KCNK17: variants seen among roughly 807,000 people sequenced by gnomAD.
KCNK17 encodes potassium two pore domain channel subfamily K member 17, also known as potassium channel subfamily K member 17.
In KCNK17, 27 loss-of-function variants were observed where a neutral mutation model predicts 24.6. The observed-to-expected ratio is 1.10, with a 90% confidence interval of 0.81 to 1.51. The LOEUF is 1.51. Ranked by LOEUF, KCNK17 falls within the 40% of genes most tolerant of loss-of-function variation. KCNK17 has a pLI of 0.00. For missense variants in KCNK17, 450 were observed against 436.6 expected (o/e 1.03, Z -0.27); for synonymous variants, 181 against 189.8 (o/e 0.95, Z 0.38).
chr6:39,309,312 A>G (rs947754643), intron 2 of KCNK17, among the ~76,000 whole-genome samples: 11 of 152,254 alleles, frequency 7.2e-5, no homozygotes, highest in Non-Finnish European at 1.0e-4. Context: ...TGACACAGCG[A>G]GACTCCGTCT....
In KCNK17 at chr6:39,314,225, G is replaced by C. The variant is rs1198767184; in HGVS notation, c.96C>G (p.Tyr32Ter). ...AGAACACGCCGGTGCCCAGCGCCAGGTAAGCCAGGTAGGCGAGCAGCAGGA... is the reference window on the plus strand; with the variant it reads ...AGAACACGCCGGTGCCCAGCGCCAGCTAAGCCAGGTAGGCGAGCAGCAGGA... Reference protein sequence around the residue: ...TVLLLLAYLAYLALGTGVFWT... With the variant: ...TVLLLLAYLA The change falls in exon 1 of 5, where the codon TAC becomes TAG. Residue 32 changes from tyrosine to a stop codon, truncating the protein, a stop_gained. Transcript: ENST00000373231. LOFTEE classifies it high-confidence loss of function. 2 of 1,539,792 alleles carry C rather than the reference G, an allele frequency of 1.3e-6. No homozygotes were observed. Among genetic ancestry groups the C allele is most frequent in the Non-Finnish European group, 1.7e-6 (2 of 1,147,024 alleles).
At position 39,314,366 on chromosome 6, in the gene KCNK17, C is replaced by T. The variant is rs1044641038; in HGVS notation, c.-46G>A. On this transcript the variant is annotated 5_prime_UTR_variant, in exon 1 of 5. Coordinates refer to ENST00000373231, the MANE Select transcript of KCNK17 (RefSeq NM_031460.4). ...GGCGCCGGGAGCGGTGGACTAGGACCCGGTGGGAGGGAAGGGCCAGGCGTC... is the reference window on the plus strand; with the variant it reads ...GGCGCCGGGAGCGGTGGACTAGGACTCGGTGGGAGGGAAGGGCCAGGCGTC... 19 of 1,311,054 alleles carry T rather than the reference C, an allele frequency of 1.4e-5. No individual in the cohort carries two copies. Among genetic ancestry groups the T allele is most frequent in the Middle Eastern group, 2.7e-4 (1 of 3,664 alleles). The allele number at this position is 1,311,054 out of a possible 1,614,324, so 81.2% of individuals were successfully genotyped here.
intron 4 of KCNK17, chr6:39,300,225 C>A (rs188905992): frequency 2.0e-6 from 1 of 510,620 alleles, no homozygotes; most frequent in Non-Finnish European, 3.5e-6. Context: ...TGGGTTCAAG[C>A]GATTCTCCTG....
In KCNK17 at chr6:39,310,956, T is replaced by C; in HGVS notation, c.289A>G (p.Ser97Gly). The change falls in exon 2 of 5, where the codon AGC (serine) becomes GGC (glycine). Residue 97 changes from serine to glycine, a missense_variant. Physicochemically the swap from Ser to Gly is moderately conservative, Grantham distance 56. Coordinates refer to ENST00000373231, the MANE Select transcript of KCNK17 (RefSeq NM_031460.4). ...NGASLLSNTT[S>G]MGRWELVGSF... ...CCCACGAGCTCCCAGCGCCCCATGC[T>C]GGTGGTGTTGCTGAGGAGGCTGGCT... is the stretch of plus-strand genomic sequence containing the variant. 6.2e-7 allele frequency: 1 copy of C among 1,608,878 alleles called. No homozygotes were observed. The highest frequency in any genetic ancestry group is 1.1e-5 in the South Asian group (1 of 90,822).
intron 2 of KCNK17, among the ~76,000 whole-genome samples, chr6:39,310,518 CG>C (rs1762115208): frequency 6.6e-6 from 1 of 152,108 alleles, no homozygotes. Context: ...CCACCACTCC[CG>C]GGGCTCAGTG....
chr6:39,306,291 G>A (rs1434028039), intron 2 of KCNK17, among the ~76,000 whole-genome samples: 5 of 152,166 alleles, frequency 3.3e-5, no homozygotes, highest in Admixed American at 6.5e-5. Context: ...CGATCTGCCC[G>A]CCTTGGCCTA....
Position 39,304,493 on chromosome 6 carries a change from A to G in KCNK17, c.513+2T>C. The G allele has an allele frequency of 3.1e-6, 5 of 1,610,684 alleles. No homozygotes were observed. Among genetic ancestry groups the G allele is most frequent in the Non-Finnish European group, 4.2e-6 (5 of 1,177,288 alleles). On this transcript the variant is annotated splice_donor_variant, in intron 3 of 4. Coordinates refer to ENST00000373231, the MANE Select transcript of KCNK17 (RefSeq NM_031460.4). LOFTEE classifies it high-confidence loss of function. ...CCCCACCCCGTCCAGCAGCCCCCTC[A>G]CCTGCCAGGTGCCCCCCAGCCTGCT...
At chr6:39,309,710 C>T (rs1252612250) in intron 2 of KCNK17, among the ~76,000 whole-genome samples, 7 of 152,214 alleles carry the variant, frequency 4.6e-5, no homozygotes, top group Non-Finnish European at 1.0e-4. Context: ...GTTTTAAGAT[C>T]TCCTGCTACC....
intron 2 of KCNK17, among the ~76,000 whole-genome samples, chr6:39,306,623 C>T (rs1379158134): frequency 2.0e-5 from 3 of 152,144 alleles, no homozygotes; most frequent in Non-Finnish European, 4.4e-5. Context: ...CCCCACCTTA[C>T]TGAGGGGTCC....
intron 2 of KCNK17, among the ~76,000 whole-genome samples, chr6:39,307,152 T>C: frequency 6.6e-6 from 1 of 152,124 alleles, no homozygotes; most frequent in East Asian, 1.9e-4. Context: ...TCCTGTAAAA[T>C]GGGGATGCTG....
At chr6:39,305,488 T>C (rs1016044449) in intron 2 of KCNK17, among the ~76,000 whole-genome samples, 32 of 146,688 alleles carry the variant, frequency 2.2e-4, no homozygotes, top group African/African-American at 6.9e-4. Flanking sequence ...GGGGAGGAGG[T>C]AGAAGTTGGG....
At chr6:39,310,865 C>CA in intron 2 of KCNK17, 28 bp downstream of exon 2, 6 of 1,258,912 alleles carry the variant, frequency 4.8e-6, no homozygotes, top group South Asian at 2.6e-5. Context: ...CCCCCACCCC[C>CA]ATCCCCCTGG....
intron 2 of KCNK17, among the ~76,000 whole-genome samples, chr6:39,306,438 G>A (rs547089913): frequency 6.6e-6 from 1 of 152,344 alleles, no homozygotes; most frequent in Admixed American, 6.5e-5. Flanking sequence ...AATGCATAAA[G>A]AATGAGTGAA....
intron 2 of KCNK17, among the ~76,000 whole-genome samples, chr6:39,305,090 C>T (rs12195376): frequency 0.12 from 18,615 of 152,256 alleles, 1,388 homozygotes; most frequent in Admixed American, 0.2. Context: ...TGTCTCCACA[C>T]TGCTCCCAGC....
chr6:39,312,022 G>C (rs1439830049), intron 1 of KCNK17, among the ~76,000 whole-genome samples: 1 of 152,206 alleles, frequency 6.6e-6, no homozygotes, highest in African/African-American at 2.4e-5. Context: ...TGACCAGAGG[G>C]GAGAGACTCC....
chr6:39,307,160 C>T (rs1364446319), intron 2 of KCNK17, among the ~76,000 whole-genome samples: 1 of 152,122 alleles, frequency 6.6e-6, no homozygotes, highest in African/African-American at 2.4e-5. Context: ...AATGGGGATG[C>T]TGACATCCAC....
rs762943020 is a variant in KCNK17 at position 39,314,144 on chromosome 6, CT to C, written c.176del (p.Lys59SerfsTer19). 2 of 1,588,750 alleles carry C rather than the reference CT, an allele frequency of 1.3e-6. No individual in the cohort carries two copies. Among genetic ancestry groups the C allele is most frequent in the African/African-American group, 2.7e-5 (2 of 74,630 alleles). The stretch of plus-strand genomic sequence containing the variant: ...ACGTGAAGTTCTGCAACAGCTCCCA[CT>C]TGTCGCGCTGGAAGCTGCGGCTGGA... ...QDSSRSFQRD[K>X]WELLQNFTCL... On this transcript the variant is annotated frameshift_variant, in exon 1 of 5. Transcript: ENST00000373231. LOFTEE classifies it high-confidence loss of function.
intron 4 of KCNK17, 102 bp from the exon 5 acceptor site, chr6:39,299,839 G>A: frequency 8.0e-7 from 1 of 1,252,188 alleles, no homozygotes; most frequent in Non-Finnish European, 1.1e-6. Context: ...TAAGCAAGTT[G>A]AGGTGCCAAT....
At chr6:39,308,009 T>A (rs926087237) in intron 2 of KCNK17, among the ~76,000 whole-genome samples, 2 of 152,202 alleles carry the variant, frequency 1.3e-5, no homozygotes, top group Non-Finnish European at 2.9e-5. Context: ...TCAATGTTAC[T>A]GTATCAGCTT....
Sources: gnomAD v4.1 joint callset for allele counts (sites outside exome capture counted in the v4.1 genomes callset) on GRCh38, gnomAD v4.1.1 for gene constraint, MANE v1.5 for transcripts, NCBI Gene and HGNC (gene_info 2026-07-23, HGNC 2026-07-21) for gene names.